The following PIGK variants were observed in gnomAD, a reference collection of about 807,000 sequenced individuals.
The protein encoded by PIGK is GPI-anchor transamidase.
A neutral mutation model predicts 50.6 loss-of-function variants in PIGK; 42 were observed. That is an observed-to-expected ratio of 0.83 (90% confidence interval 0.65 to 1.07). The LOEUF (loss-of-function observed/expected upper bound fraction) is 1.07. Ranked by LOEUF, PIGK falls within the 50% of genes least tolerant of loss-of-function variation. The pLI is 0.00. For synonymous variants in PIGK, 151 were observed against 156.0 expected (o/e 0.97, Z 0.24); for missense variants, 448 against 488.7 (o/e 0.92, Z 0.78).
chr1:77,196,337 A>G (rs1656036177), intron 3 of PIGK, among the ~76,000 whole-genome samples: 1 of 152,170 alleles, frequency 6.6e-6, no homozygotes, highest in Non-Finnish European at 1.5e-5. Context: ...TCCTTTGGGT[A>G]GGTGCCCAAT....
chr1:77,118,574 T>C (rs1654028688), intron 10 of PIGK, among the ~76,000 whole-genome samples: 1 of 152,252 alleles, frequency 6.6e-6, no homozygotes, highest in South Asian at 2.1e-4. Flanking sequence ...CCAAAAATTT[T>C]GCCAACATAC....
At chr1:77,155,796 T>C (rs570501687) in intron 8 of PIGK, among the ~76,000 whole-genome samples, 9 of 152,252 alleles carry the variant, frequency 5.9e-5, no homozygotes, top group South Asian at 4.1e-4. Flanking sequence ...GATAAGACTG[T>C]CTGCACTGGC....
intron 3 of PIGK, among the ~76,000 whole-genome samples, chr1:77,181,337 A>T (rs1167670463): frequency 6.6e-6 from 1 of 152,152 alleles, no homozygotes; most frequent in East Asian, 1.9e-4. Context: ...ATAGATGAAC[A>T]ATCTTTCACA....
At chr1:77,133,688 T>A (rs1362569141) in intron 9 of PIGK, among the ~76,000 whole-genome samples, 2 of 152,202 alleles carry the variant, frequency 1.3e-5, no homozygotes, top group East Asian at 3.9e-4. Context: ...GAGCTGAATT[T>A]AGACCACCTG....
chr1:77,103,991 T>C (rs1425586620), intron 10 of PIGK, among the ~76,000 whole-genome samples: 1 of 149,664 alleles, frequency 6.7e-6, no homozygotes, highest in Non-Finnish European at 1.5e-5. Flanking sequence ...TCACAGCTTA[T>C]AGTGAGGCTA....
chr1:77,180,713 G>C (rs1185947148), intron 3 of PIGK, among the ~76,000 whole-genome samples: 1 of 151,174 alleles, frequency 6.6e-6, no homozygotes, highest in Non-Finnish European at 1.5e-5. Context: ...GAAGTGGGTG[G>C]GGGTGGGGGG....
At chr1:77,196,991 T>C (rs1228192424) in intron 3 of PIGK, among the ~76,000 whole-genome samples, 2 of 152,222 alleles carry the variant, frequency 1.3e-5, no homozygotes, top group Non-Finnish European at 2.9e-5. Flanking sequence ...TTAATTTTTG[T>C]ATATGCCTTT....
intron 3 of PIGK, among the ~76,000 whole-genome samples, chr1:77,191,228 G>C (rs557779114): frequency 6.6e-6 from 1 of 152,268 alleles, no homozygotes; most frequent in South Asian, 2.1e-4. Flanking sequence ...CTGATCTAGC[G>C]TAACTTTCTT....
In PIGK at chr1:77,151,284, A is replaced by G. The variant is rs968257006; in HGVS notation, c.986+3165T>C. On this transcript the variant is annotated intron_variant, in intron 9 of 10. Transcript: ENST00000370812. ...TCAACAGATGCTGAAAAAGCATTCA[A>G]TAAAATTCAGCATCCCTTCATGATA... 6.6e-5 allele frequency among the ~76,000 whole-genome samples: 10 copies of G among 152,348 alleles called. No individual in the cohort carries two copies. In the East Asian group the frequency reaches 9.6e-4, roughly 15 times the overall value.
intron 10 of PIGK, among the ~76,000 whole-genome samples, chr1:77,117,897 A>G (rs960631972): frequency 1.3e-5 from 2 of 152,152 alleles, no homozygotes; most frequent in African/African-American, 4.8e-5. Context: ...GTTGGTACCA[A>G]TTACCACAGT....
intron 3 of PIGK, among the ~76,000 whole-genome samples, chr1:77,169,887 C>T (rs754051761): frequency 2.6e-5 from 4 of 152,132 alleles, no homozygotes; most frequent in Non-Finnish European, 4.4e-5. Context: ...ATCCCAAATG[C>T]TTGAGTATAA....
chr1:77,107,882 G>C (rs530712421), intron 10 of PIGK, among the ~76,000 whole-genome samples: 1 of 152,224 alleles, frequency 6.6e-6, no homozygotes, highest in East Asian at 1.9e-4. Context: ...TTGGTTTAAA[G>C]TCTGTTTTAT....
intron 9 of PIGK, chr1:77,154,219 T>C (rs554536083): frequency 2.3e-5 from 12 of 518,620 alleles, no homozygotes; most frequent in East Asian, 1.3e-4. Flanking sequence ...ACTAGCAAGA[T>C]TGTCTTTTGG....
At chr1:77,151,915 C>G (rs1654900874) in intron 9 of PIGK, among the ~76,000 whole-genome samples, 1 of 152,046 alleles carries the variant, frequency 6.6e-6, no homozygotes, top group Admixed American at 6.6e-5. Flanking sequence ...TCCATACTAC[C>G]AGAAGAAGTA....
chr1:77,143,075 T>C (rs7519485), intron 9 of PIGK, among the ~76,000 whole-genome samples: 35,423 of 152,098 alleles, frequency 0.23, 5,105 homozygotes, highest in Non-Finnish European at 0.32. Flanking sequence ...TTAATGTAAA[T>C]GTCTTTTCCT....
chr1:77,113,948 T>A (rs1653909516), intron 10 of PIGK, among the ~76,000 whole-genome samples: 1 of 152,074 alleles, frequency 6.6e-6, no homozygotes, highest in Admixed American at 6.6e-5. Context: ...GCAGCTGGGG[T>A]GAAGAAAGCA....
intron 1 of PIGK, among the ~76,000 whole-genome samples, chr1:77,213,727 A>C (rs1449860024): frequency 6.6e-6 from 1 of 152,150 alleles, no homozygotes; most frequent in African/African-American, 2.4e-5. Context: ...GAATTAAAAA[A>C]TACAAAAAAA....
In PIGK at chr1:77,098,043, C is replaced by T. The variant is rs116262556; in HGVS notation, c.1072-5553G>A. 5.6e-3 allele frequency among the ~76,000 whole-genome samples: 846 copies of T among 152,036 alleles called. 8 individuals are homozygous for T. The highest frequency in any genetic ancestry group is 9.6e-3 in the Non-Finnish European group (650 of 67,962). On this transcript the variant is annotated intron_variant, in intron 10 of 10. Transcript: ENST00000370812. ...AAAGACGAATAAAACAGAATAGAAA[C>T]TAGACAATCAGTCCAGTATCCCAGG...
At chr1:77,106,917 C>A (rs1012005248) in intron 10 of PIGK, among the ~76,000 whole-genome samples, 1 of 151,942 alleles carries the variant, frequency 6.6e-6, no homozygotes, top group African/African-American at 2.4e-5. Context: ...TTGTATTTCT[C>A]TGGGATCAGT....
Sources: gnomAD v4.1 joint callset for allele counts (sites outside exome capture counted in the v4.1 genomes callset) on GRCh38, gnomAD v4.1.1 for gene constraint, MANE v1.5 for transcripts, NCBI Gene and HGNC (gene_info 2026-07-23, HGNC 2026-07-21) for gene names.